Variants in PIK3C2A observed in about 807,000 individuals in gnomAD.
PIK3C2A encodes phosphatidylinositol-4-phosphate 3-kinase catalytic subunit type 2 alpha, also known as phosphatidylinositol 4-phosphate 3-kinase C2 domain-containing subunit alpha.
Under a neutral mutation model 204.5 loss-of-function variants are expected in PIK3C2A, and 97 were observed. That is an observed-to-expected ratio of 0.47 (90% CI 0.40 to 0.56). The LOEUF is 0.56. Ranked by LOEUF, PIK3C2A falls within the 20% of genes least tolerant of loss-of-function variation. The pLI is 0.00. For synonymous variants in PIK3C2A, 653 were observed against 664.4 expected, an observed-to-expected ratio of 0.98 and a Z score of 0.26; for missense variants, 1,735 against 1,969.2, an observed-to-expected ratio of 0.88 and a Z score of 2.25.
At position 17,143,735 on chromosome 11, in the gene PIK3C2A, G is replaced by A. The variant is rs575393665; in HGVS notation, c.1704+1933C>T. ...GTGGATCACTTGAGGTCAGGAGTTCGAAACCAGCCTGACCAACATGGTGAA... is the reference window on the plus strand; with the variant it reads ...GTGGATCACTTGAGGTCAGGAGTTCAAAACCAGCCTGACCAACATGGTGAA... On this transcript the variant is annotated intron_variant, in intron 8 of 32. Coordinates refer to ENST00000691414, the MANE Select transcript of PIK3C2A (RefSeq NM_002645.4). 2.6e-3 allele frequency among the ~76,000 whole-genome samples: 391 copies of A among 151,864 alleles called. 2 individuals are homozygous for A. Among genetic ancestry groups the A allele is most frequent in the African/African-American group, 8.9e-3 (369 of 41,414 alleles).
chr11:17,170,521 AAT>A (rs1315057936), intron 1 of PIK3C2A, among the ~76,000 whole-genome samples: 13 of 152,346 alleles, frequency 8.5e-5, no homozygotes, highest in African/African-American at 2.9e-4. Flanking sequence ...CAGTTAAATC[AAT>A]AGTTATAATA....
At chr11:17,197,389 CATT>C (rs1852198836) in intron 1 of PIK3C2A, among the ~76,000 whole-genome samples, 4 of 152,072 alleles carry the variant, frequency 2.6e-5, no homozygotes, top group African/African-American at 9.7e-5. Flanking sequence ...ACTATAAGCA[CATT>C]AATAAAGGCC....
intron 1 of PIK3C2A, among the ~76,000 whole-genome samples, chr11:17,183,050 C>A (rs970568278): frequency 6.6e-6 from 1 of 152,076 alleles, no homozygotes; most frequent in Non-Finnish European, 1.5e-5. Flanking sequence ...ATGCATGTTG[C>A]CCAGGCTGGT....
intron 1 of PIK3C2A, among the ~76,000 whole-genome samples, chr11:17,182,973 G>A (rs1015908708): frequency 1.3e-5 from 2 of 152,122 alleles, no homozygotes; most frequent in African/African-American, 4.8e-5. Context: ...CAGAGTAGCT[G>A]GAACTACAGG....
chr11:17,126,335 C>T (rs568200438), intron 13 of PIK3C2A, among the ~76,000 whole-genome samples: 1 of 152,052 alleles, frequency 6.6e-6, no homozygotes, highest in Non-Finnish European at 1.5e-5. Context: ...GAAGATGGAT[C>T]ACTTGAGGCC....
rs1267809640 is a variant in PIK3C2A, at chr11:17,150,596, G to A, written c.1229C>T (p.Pro410Leu). The change falls in exon 4 of 33, where the codon CCA becomes CTA. Residue 410 changes from proline (P) to leucine (L), a missense_variant. Around this residue, in one of 6 missense-constraint regions of PIK3C2A, gnomAD observed 536 missense variants for 546.7 expected, o/e 0.98. Transcript: ENST00000691414. The stretch of plus-strand genomic sequence containing the variant: ...GCATATGTTTCTTTGTGCTGTGACT[G>A]GACTTAACAAATAGCCTGGGTTTGT... ...HRTNPGYLLSPVTAQRNICGE... is the reference protein window; with the variant it reads ...HRTNPGYLLSLVTAQRNICGE... 1.9e-6 allele frequency: 3 copies of A among 1,611,360 alleles called. No homozygotes were observed. The East Asian group carries it at 6.7e-5, about 36-fold the overall frequency.
chr11:17,148,907 C>A, intron 4 of PIK3C2A, 120 bp from the exon 5 acceptor site: 1 of 658,638 alleles, frequency 1.5e-6, no homozygotes, highest in Non-Finnish European at 2.3e-6. Flanking sequence ...AAATGTAGGC[C>A]ACATATATAA....
At chr11:17,116,683 G>A (rs542908652) in intron 19 of PIK3C2A, among the ~76,000 whole-genome samples, 3 of 151,774 alleles carry the variant, frequency 2.0e-5, no homozygotes, top group Admixed American at 6.6e-5. Context: ...TCCGCCTCCC[G>A]GGTTCACGCC....
chr11:17,175,535 C>G (rs1851308937), intron 1 of PIK3C2A, among the ~76,000 whole-genome samples: 1 of 152,088 alleles, frequency 6.6e-6, no homozygotes. Context: ...CATCCTAATT[C>G]AAAATGAAAA....
At chr11:17,115,318 A>T (rs1474293669) in intron 19 of PIK3C2A, among the ~76,000 whole-genome samples, 1 of 147,976 alleles carries the variant, frequency 6.8e-6, no homozygotes, top group Non-Finnish European at 1.5e-5. Flanking sequence ...GGACTGCTTG[A>T]GCCCAGGAGT....
At chr11:17,195,587 G>A (rs1852121181) in intron 1 of PIK3C2A, among the ~76,000 whole-genome samples, 1 of 151,854 alleles carries the variant, frequency 6.6e-6, no homozygotes, top group South Asian at 2.1e-4. Context: ...CAGGCATGGT[G>A]GAGTGCACCA....
chr11:17,129,765 T>C (rs1452246891), intron 12 of PIK3C2A, among the ~76,000 whole-genome samples: 1 of 152,104 alleles, frequency 6.6e-6, no homozygotes, highest in African/African-American at 2.4e-5. Context: ...CTAATTTTCG[T>C]ATTTTTAGTA....
Position 17,169,100 on chromosome 11 carries a change from G to C in PIK3C2A, c.642C>G (p.Ile214Met), listed in dbSNP as rs374593257. The change falls in exon 2 of 33, where the codon ATC becomes ATG. Residue 214 changes from isoleucine (I) to methionine (M), a missense_variant. This residue lies in a region of PIK3C2A where 536 missense variants were observed against 546.7 expected (regional missense o/e 0.98). Coordinates refer to ENST00000691414, the MANE Select transcript of PIK3C2A (RefSeq NM_002645.4). The part of the protein sequence containing the change: ...TPFHPQGSLP[I>M]YRPVVSTDMA... ...TGTCAGTACTGACTACTGGACGATA[G>C]ATAGGTAAGCTTCCTTGTGGATGAA... is the stretch of plus-strand genomic sequence containing the variant. 17 of 1,614,066 alleles carry C rather than the reference G, an allele frequency of 1.1e-5. 1 individual carries two copies. The highest frequency in any genetic ancestry group is 5.0e-5 in the Admixed American group (3 of 60,006).
chr11:17,184,717 T>G (rs1052315038), intron 1 of PIK3C2A, among the ~76,000 whole-genome samples: 11 of 152,096 alleles, frequency 7.2e-5, no homozygotes, highest in Non-Finnish European at 2.9e-5. Flanking sequence ...AGAGGATCCT[T>G]AAGCCCAGGA....
intron 8 of PIK3C2A, among the ~76,000 whole-genome samples, chr11:17,138,762 C>A (rs991863913): frequency 6.6e-6 from 1 of 152,110 alleles, no homozygotes; most frequent in African/African-American, 2.4e-5. Context: ...AAACAAATGA[C>A]CAAATGACTG....
chr11:17,149,173 T>A (rs1210984338), intron 4 of PIK3C2A, among the ~76,000 whole-genome samples: 4 of 152,138 alleles, frequency 2.6e-5, no homozygotes, highest in Non-Finnish European at 5.9e-5. Flanking sequence ...GCATTTACAT[T>A]GTATTAGGTA....
At chr11:17,186,074 C>T (rs750289199) in intron 1 of PIK3C2A, among the ~76,000 whole-genome samples, 1 of 152,146 alleles carries the variant, frequency 6.6e-6, no homozygotes, top group African/African-American at 2.4e-5. Context: ...CACACTGGCC[C>T]CCTTGTTGTT....
intron 27 of PIK3C2A, among the ~76,000 whole-genome samples, chr11:17,096,846 G>A (rs890248305): frequency 7.2e-5 from 11 of 152,014 alleles, no homozygotes; most frequent in Non-Finnish European, 8.8e-5. Context: ...TTTACCACTC[G>A]GTCCTTATTG....
At chr11:17,126,184 A>C (rs1163680357) in intron 13 of PIK3C2A, among the ~76,000 whole-genome samples, 2 of 152,142 alleles carry the variant, frequency 1.3e-5, no homozygotes, top group East Asian at 3.9e-4. Flanking sequence ...AACCCTCAGA[A>C]ATAACTGTAA....
Sources: allele counts gnomAD v4.1 joint callset (sites outside exome capture counted in the v4.1 genomes callset), GRCh38; gene constraint gnomAD v4.1.1; regional missense constraint gnomAD v4.1.1; transcripts MANE v1.5; gene names NCBI Gene and HGNC (gene_info 2026-07-23, HGNC 2026-07-21).